The following ZNF423 variants were observed in gnomAD, a reference collection of about 807,000 sequenced individuals.
The protein encoded by ZNF423 is zinc finger protein 423.
In ZNF423, 12 loss-of-function variants were observed where a neutral mutation model predicts 95.8. The observed-to-expected ratio is 0.13, with a 90% CI of 0.08 to 0.20. The LOEUF (loss-of-function observed/expected upper bound fraction) is 0.20. ZNF423 is among the 10% of genes least tolerant of loss of function. The pLI is 1.00. For synonymous variants in ZNF423, 749 were observed against 711.9 expected (o/e 1.05, Z -0.83); for missense variants, 1,316 against 1,737.1 (o/e 0.76, Z 4.31).
At chr16:49,548,637 G>T (rs575155731) in intron 5 of ZNF423, among the ~76,000 whole-genome samples, 3 of 152,184 alleles carry the variant, frequency 2.0e-5, no homozygotes, top group Admixed American at 1.3e-4. Context: ...GGAGAGAGAC[G>T]GGGAAGGCGG....
intron 4 of ZNF423, among the ~76,000 whole-genome samples, chr16:49,634,065 C>T (rs950747993): frequency 2.0e-5 from 3 of 151,910 alleles, no homozygotes; most frequent in African/African-American, 7.3e-5. Flanking sequence ...TGCCACTATG[C>T]CCACCTAAAT....
At chr16:49,858,297 C>T (rs931253861), upstream of ZNF423, among the ~76,000 whole-genome samples, 4 of 150,292 alleles carry the variant, frequency 2.7e-5, no homozygotes, top group African/African-American at 9.7e-5. The surrounding 1 kb of genome is among the most constrained non-coding windows in gnomAD (Gnocchi z 4.3). Context: ...GCCTGCCGGC[C>T]AGCCGGGCCC....
At chr16:49,576,578 CT>C (rs1267021585) in intron 5 of ZNF423, among the ~76,000 whole-genome samples, 1 of 152,370 alleles carries the variant, frequency 6.6e-6, no homozygotes, top group African/African-American at 2.4e-5. Flanking sequence ...AAGGCCAACC[CT>C]TAGCAAATTG....
At chr16:49,534,253 T>C (rs9673250) in intron 5 of ZNF423, among the ~76,000 whole-genome samples, 2 of 151,804 alleles carry the variant, frequency 1.3e-5, no homozygotes, top group African/African-American at 4.9e-5. Flanking sequence ...TTTTTGTTTT[T>C]TTTTTTTTGT....
chr16:49,555,506 A>G (rs1303825455), intron 5 of ZNF423, among the ~76,000 whole-genome samples: 2 of 152,258 alleles, frequency 1.3e-5, no homozygotes, highest in Non-Finnish European at 2.9e-5. Context: ...CACACGGGTT[A>G]AGTAGCTTTC....
intron 5 of ZNF423, among the ~76,000 whole-genome samples, chr16:49,576,255 G>A (rs1416625495): frequency 1.3e-5 from 2 of 152,188 alleles, no homozygotes; most frequent in Non-Finnish European, 2.9e-5. Flanking sequence ...AACAGCAACC[G>A]TGGCTGTGGT....
rs148743746 is a variant in ZNF423 at position 49,599,279 on chromosome 16, A to G, written c.3601+26891T>C. 3.3e-3 allele frequency among the ~76,000 whole-genome samples: 496 copies of G among 152,298 alleles called. 1 individual carries two copies. The highest frequency in any genetic ancestry group is 0.011 in the African/African-American group (443 of 41,554). On this transcript the variant is annotated intron_variant, in intron 5 of 7. Coordinates refer to ENST00000563137, the MANE Select transcript of ZNF423 (RefSeq NM_001379286.1). ...GGCTAGGTTACTTGGCAGCCCTTAA[A>G]ACTCAAGGGAAACCTACCCTGCACA...
chr16:49,637,649 G>A lies in ZNF423; in HGVS notation c.1527C>T (p.Val509=). 6.2e-7 allele frequency: 1 copy of A among 1,614,102 alleles called. No individual in the cohort carries two copies. Among genetic ancestry groups the A allele is most frequent in the Non-Finnish European group, 8.5e-7 (1 of 1,180,044 alleles). ...DINSLQEHIR[V]SHCGPNANPS... is the part of the protein sequence containing the mutation. Reference sequence around the variant, plus strand: ...GGTTGGCGTTGGGGCCGCAGTGGGAGACGCGGATGTGCTCCTGCAGGCTAT... The same window carrying A: ...GGTTGGCGTTGGGGCCGCAGTGGGAAACGCGGATGTGCTCCTGCAGGCTAT... The change falls in exon 4 of 8, where the codon GTC becomes GTT. Residue 509 remains valine, a synonymous_variant. Transcript: ENST00000563137. This position sits in a 1 kb window ranked among gnomAD's most constrained non-coding sequence, Gnocchi z 5.6.
At chr16:49,616,228 C>CA (rs1971870324) in intron 5 of ZNF423, among the ~76,000 whole-genome samples, 1 of 152,148 alleles carries the variant, frequency 6.6e-6, no homozygotes, top group Non-Finnish European at 1.5e-5. Flanking sequence ...CACAGAAAGA[C>CA]AAATGTCCCA....
chr16:49,656,180 A>G (rs2029876536), intron 3 of ZNF423, among the ~76,000 whole-genome samples: 1 of 152,174 alleles, frequency 6.6e-6, no homozygotes, highest in Non-Finnish European at 1.5e-5. Flanking sequence ...CTTACCAGAG[A>G]TGCAGACAGA....
At chr16:49,537,681 C>A (rs1477382881) in intron 5 of ZNF423, among the ~76,000 whole-genome samples, 2 of 152,130 alleles carry the variant, frequency 1.3e-5, no homozygotes, top group Non-Finnish European at 2.9e-5. Flanking sequence ...TCTGAGGTCA[C>A]GTCTTCCTCT....
intron 5 of ZNF423, among the ~76,000 whole-genome samples, chr16:49,621,454 C>T (rs1368926846): frequency 4.6e-5 from 7 of 152,204 alleles, no homozygotes; most frequent in Admixed American, 6.5e-5. Context: ...TCATAACTCC[C>T]AGGGTCTCCG....
chr16:49,635,931 C>A lies in ZNF423; in HGVS notation c.3245G>T (p.Arg1082Leu), dbSNP rs370797524. Residue 1082 changes from arginine to leucine, a missense_variant, in exon 4 of 8, where the codon CGC (arginine) becomes CTC (leucine). Physicochemically the swap from Arg to Leu is moderately radical, Grantham distance 102. This residue lies in a region of ZNF423 where 620 missense variants were observed against 775.6 expected (regional missense o/e 0.80). Transcript: ENST00000563137. This position sits in a 1 kb window ranked among gnomAD's most constrained non-coding sequence, Gnocchi z 4.8. ...AAGCTTCACCAGGTCCTGCTTGCTG[C>A]GGAACTCCTTGAGGCACAGGGCGCA... The part of the protein sequence containing the change: ...YKCALCLKEF[R>L]SKQDLVKLDV... 7 of 1,589,228 alleles carry A rather than the reference C, an allele frequency of 4.4e-6. No individual in the cohort carries two copies. The highest frequency in any genetic ancestry group is 3.5e-5 in the South Asian group (3 of 86,402).
intron 5 of ZNF423, among the ~76,000 whole-genome samples, chr16:49,568,290 G>A (rs889429903): frequency 6.6e-6 from 1 of 152,126 alleles, no homozygotes; most frequent in Non-Finnish European, 1.5e-5. Flanking sequence ...ATGTGGGCCT[G>A]GAGGGGCTGG....
intron 2 of ZNF423, among the ~76,000 whole-genome samples, chr16:49,783,762 G>A (rs955099550): frequency 2.0e-5 from 3 of 151,976 alleles, no homozygotes; most frequent in Non-Finnish European, 4.4e-5. Context: ...ACAAGGTCAG[G>A]AGATCGAGAT....
intron 7 of ZNF423, among the ~76,000 whole-genome samples, chr16:49,509,481 G>A (rs530241458): frequency 1.6e-4 from 25 of 152,196 alleles, no homozygotes; most frequent in Admixed American, 7.9e-4. Context: ...CCAGCACCTC[G>A]CCTCTCCTAT....
intron 5 of ZNF423, among the ~76,000 whole-genome samples, chr16:49,623,486 T>C (rs1181152957): frequency 6.6e-6 from 1 of 152,202 alleles, no homozygotes; most frequent in African/African-American, 2.4e-5. Context: ...GCAGTCCAAT[T>C]AGCCAGGCTT....
chr16:49,784,231 C>A (rs1211401071), intron 2 of ZNF423, among the ~76,000 whole-genome samples: 2 of 151,970 alleles, frequency 1.3e-5, no homozygotes, highest in Admixed American at 1.3e-4. Context: ...TAAAAACAAG[C>A]GTTCAAGCAA....
intron 2 of ZNF423, among the ~76,000 whole-genome samples, chr16:49,744,023 G>A (rs966722172): frequency 3.9e-5 from 6 of 152,072 alleles, no homozygotes; most frequent in Non-Finnish European, 7.4e-5. Context: ...ACTGGAGGAG[G>A]GTGGCAGCCT....
Sources: gnomAD v4.1 joint callset for allele counts (sites outside exome capture counted in the v4.1 genomes callset) on GRCh38, gnomAD v4.1.1 for gene constraint, gnomAD v4.1.1 regional missense constraint, Gnocchi (gnomAD v3.1) non-coding constraint, MANE v1.5 for transcripts, NCBI Gene and HGNC (gene_info 2026-07-23, HGNC 2026-07-21) for gene names.